ECE1: variants seen among roughly 807,000 people sequenced by gnomAD.
ECE1 encodes endothelin-converting enzyme 1.
ECE1 carries 35 observed loss-of-function variants against 98.6 expected under a neutral mutation model. That is an observed-to-expected ratio of 0.35 (90% CI 0.27 to 0.47). The LOEUF is 0.47. Ranked by LOEUF, ECE1 falls within the 20% of genes least tolerant of loss-of-function variation. The pLI is 1.00. For synonymous variants in ECE1, 394 were observed against 407.1 expected (o/e 0.97, Z 0.39); for missense variants, 814 against 1,025.3 (o/e 0.79, Z 2.81).
intron 2 of ECE1, among the ~76,000 whole-genome samples, chr1:21,289,291 T>A (rs2103358970): frequency 6.6e-6 from 1 of 152,146 alleles, no homozygotes; most frequent in South Asian, 2.1e-4. Context: ...TCCAGCACCT[T>A]CCCACGCACC....
intron 4 of ECE1, among the ~76,000 whole-genome samples, chr1:21,264,309 T>TC (rs752018050): frequency 0.14 from 9,919 of 70,876 alleles, 470 homozygotes; most frequent in Non-Finnish European, 0.17. Flanking sequence ...ATATACCAAT[T>TC]CCCCCCCCCC....
chr1:21,223,607 T>G (rs1304396731), intron 17 of ECE1, among the ~76,000 whole-genome samples: 1 of 151,884 alleles, frequency 6.6e-6, no homozygotes, highest in Non-Finnish European at 1.5e-5. Flanking sequence ...CTGGGATTAC[T>G]GGCGCCTGCC....
chr1:21,236,761 T>C lies in ECE1; in HGVS notation c.1473A>G (p.Lys491=). ...TLKWMDEETR[K]SAKEKADAIY... The stretch of plus-strand genomic sequence containing the variant: ...CCAGCCTCACCTTTTCCTTGGCTGA[T>C]TTTCGGGTTTCCTCATCCATCCACT... Residue 491 remains lysine (K), a synonymous_variant, in exon 12 of 19, where the codon AAA becomes AAG. Transcript: ENST00000374893. 6.2e-7 allele frequency: 1 copy of C among 1,613,934 alleles called. No homozygotes were observed. The highest frequency in any genetic ancestry group is 8.5e-7 in the Non-Finnish European group (1 of 1,180,006).
intron 4 of ECE1, among the ~76,000 whole-genome samples, chr1:21,271,017 T>G (rs905509051): frequency 6.6e-6 from 1 of 152,212 alleles, no homozygotes; most frequent in African/African-American, 2.4e-5. Flanking sequence ...TTTAAGTGTC[T>G]GGTTCTAAAA....
chr1:21,336,562 C>T (rs1230276720), intron 1 of ECE1, among the ~76,000 whole-genome samples: 2 of 152,086 alleles, frequency 1.3e-5, no homozygotes, highest in African/African-American at 2.4e-5. Context: ...CGGCTGTGGC[C>T]GGGCGCGGTG....
intron 1 of ECE1, among the ~76,000 whole-genome samples, chr1:21,312,657 G>A (rs1262533173): frequency 6.6e-6 from 1 of 152,056 alleles, no homozygotes; most frequent in Non-Finnish European, 1.5e-5. Flanking sequence ...ATCCCCAGCT[G>A]ACACAGCACG....
At chr1:21,228,260 T>C (rs541720272) in intron 14 of ECE1, among the ~76,000 whole-genome samples, 1 of 152,216 alleles carries the variant, frequency 6.6e-6, no homozygotes, top group East Asian at 1.9e-4. Context: ...AGTGCAGTCG[T>C]GTGATCATGG....
At chr1:21,264,346 G>A (rs1324304669) in intron 4 of ECE1, among the ~76,000 whole-genome samples, 1 of 138,864 alleles carries the variant, frequency 7.2e-6, no homozygotes, top group Non-Finnish European at 1.5e-5. Context: ...ACTGAGTCTC[G>A]CTCTGTCGCC....
rs184766201 is a variant in ECE1, at chr1:21,236,509, C to T, written c.1488+237G>A. On this transcript the variant is annotated intron_variant, in intron 12 of 18. Transcript: ENST00000374893. Reference sequence around the variant, plus strand: ...TACTAAAAATACAAAATTAACCGAGCGTGGTGGCGCACGCCTGTAATCCCA... The same window carrying T: ...TACTAAAAATACAAAATTAACCGAGTGTGGTGGCGCACGCCTGTAATCCCA... Among the ~76,000 whole-genome samples, 176 of 152,298 alleles carry T rather than the reference C, an allele frequency of 1.2e-3. 1 individual carries two copies. The highest frequency in any genetic ancestry group is 4.0e-3 in the African/African-American group (166 of 41,570).
intron 1 of ECE1, among the ~76,000 whole-genome samples, chr1:21,332,466 T>G (rs1558437066): frequency 2.0e-5 from 3 of 150,174 alleles, no homozygotes; most frequent in Non-Finnish European, 4.4e-5. Flanking sequence ...CCATTTTACT[T>G]ATGCAGAAAT....
Position 21,257,414 on chromosome 1 carries a change from C to G in ECE1, c.828+111G>C, listed in dbSNP as rs548149765. On this transcript the variant is annotated intron_variant, in intron 7 of 18. Transcript: ENST00000374893. ...TCTGCCTGTTTCACCCATCAGGTCA[C>G]TGACACCCCTGGGCTCCCCTAGCTT... The G allele has an allele frequency of 3.9e-5, 48 of 1,237,548 alleles. 1 individual carries two copies. In the African/African-American group the frequency reaches 6.8e-4, roughly 18 times the overall value. The allele number at this position is 1,237,548 out of a possible 1,614,324, so 76.7% of individuals were successfully genotyped here.
rs1639478901 is a variant in ECE1 at position 21,345,361 on chromosome 1, G to A, written c.3+15C>T. 5.2e-6 allele frequency: 7 copies of A among 1,358,884 alleles called. No individual in the cohort carries two copies. The highest frequency in any genetic ancestry group is 6.7e-6 in the Non-Finnish European group (7 of 1,046,956). The allele number at this position is 1,358,884 out of a possible 1,614,324, so 84.2% of individuals were successfully genotyped here. A position where few individuals can be genotyped will look rare whatever the true frequency, so the allele number is the denominator to read the frequency against. On this transcript the variant is annotated intron_variant, in intron 1 of 18. Transcript: ENST00000415912. The surrounding 1 kb of genome is among the most constrained non-coding windows in gnomAD (Gnocchi z 5.1). ...CTGGGCTGGACCGGACCAGACCTCC[G>A]CGCGCAGCACTCACCATAGCTCGCG...
At position 21,319,669 on chromosome 1, in the gene ECE1, C is replaced by A. The variant is rs1638918138; in HGVS notation, c.3+25707G>T. ...TCCATCCCTGTCCAACTCTCCTCAG[C>A]CTCTCCTGAGACCTGGCTCCTCATT... On this transcript the variant is annotated intron_variant, in intron 1 of 18. Coordinates refer to the ECE1 transcript ENST00000415912. The surrounding 1 kb of genome is among the most constrained non-coding windows in gnomAD (Gnocchi z 4.4). 6.6e-6 allele frequency among the ~76,000 whole-genome samples: 1 copy of A among 152,188 alleles called. No individual in the cohort carries two copies. Among genetic ancestry groups the A allele is most frequent in the South Asian group, 2.1e-4 (1 of 4,820 alleles).
At chr1:21,288,227 C>T (rs1248972893) in intron 2 of ECE1, among the ~76,000 whole-genome samples, 4 of 152,222 alleles carry the variant, frequency 2.6e-5, no homozygotes, top group Non-Finnish European at 5.9e-5. Context: ...TAGACAACAG[C>T]GACGTGACCC....
chr1:21,344,574 C>A (rs900381284), intron 1 of ECE1, among the ~76,000 whole-genome samples: 1 of 151,986 alleles, frequency 6.6e-6, no homozygotes, highest in South Asian at 2.1e-4. Context: ...TCCCAACAGC[C>A]CCCCCCCAGG....
chr1:21,255,878 C>G lies in ECE1; in HGVS notation c.1020+69G>C, dbSNP rs896075395. On this transcript the variant is annotated intron_variant, in intron 8 of 18. Coordinates refer to ENST00000374893, the MANE Select transcript of ECE1 (RefSeq NM_001397.3). ...ACTAGATGAAATGAGTATAAAAGCC[C>G]CCAGTCCAGGGCCCTGTCTGAAACC... 1.0e-5 allele frequency: 16 copies of G among 1,531,992 alleles called. No individual in the cohort carries two copies. The African/African-American group carries it at 2.2e-4, about 21-fold the overall frequency. The allele number at this position is 1,531,992 out of a possible 1,614,324, so 94.9% of individuals were successfully genotyped here.
intron 1 of ECE1, among the ~76,000 whole-genome samples, chr1:21,311,452 C>T (rs1299021377): frequency 6.9e-6 from 1 of 145,842 alleles, no homozygotes; most frequent in African/African-American, 2.6e-5. Flanking sequence ...GCAGGAGGAT[C>T]GCTTGAGACC....
intron 8 of ECE1, among the ~76,000 whole-genome samples, chr1:21,249,240 T>C (rs1022445051): frequency 1.3e-5 from 2 of 151,008 alleles, no homozygotes; most frequent in Admixed American, 6.6e-5. Flanking sequence ...CTACTCGGGA[T>C]GCTGAGGCAG....
rs151319007 is a variant in ECE1, at chr1:21,278,663, G to A, written c.280+528C>T. ...GAGGAAATGAGATTGCATCTGAAGC[G>A]AGGGGTGTGGTATTTGGGTATTTGG... On this transcript the variant is annotated intron_variant, in intron 3 of 18. Transcript: ENST00000374893. Among the ~76,000 whole-genome samples, 28 of 152,332 alleles carry A rather than the reference G, an allele frequency of 1.8e-4. No individual in the cohort carries two copies. In the East Asian group the frequency reaches 2.3e-3, roughly 13 times the overall value.
Sources: gnomAD v4.1 joint callset for allele counts (sites outside exome capture counted in the v4.1 genomes callset) on GRCh38, gnomAD v4.1.1 for gene constraint, Gnocchi (gnomAD v3.1) non-coding constraint, MANE v1.5 for transcripts, NCBI Gene and HGNC (gene_info 2026-07-23, HGNC 2026-07-21) for gene names.